Variants in ARMC7 observed in about 807,000 individuals in gnomAD.
ARMC7 encodes armadillo repeat containing 7.
In ARMC7, 9 loss-of-function variants were observed where a neutral mutation model predicts 14.8. The ratio of observed to expected loss-of-function variants is 0.61; its 90% confidence interval spans 0.37 to 1.06. The LOEUF is 1.06. Among genes scored for constraint, ARMC7 ranks in the 50% least tolerant of loss-of-function variants. The pLI is 0.01. For missense variants in ARMC7, 262 were observed against 267.1 expected (o/e 0.98, Z 0.13); for synonymous variants, 125 against 123.4 (o/e 1.01, Z -0.09).
chr17:75,111,032 G>A (rs2073918154), intron 2 of ARMC7, among the ~76,000 whole-genome samples: 1 of 151,984 alleles, frequency 6.6e-6, no homozygotes, highest in South Asian at 2.1e-4. Flanking sequence ...ACTGAAGCAG[G>A]AGGTATTGCT....
chr17:75,126,436 T>C (rs2074051828), intron 2 of ARMC7, among the ~76,000 whole-genome samples: 3 of 152,236 alleles, frequency 2.0e-5, no homozygotes, highest in African/African-American at 7.2e-5. Flanking sequence ...AACGGTGACA[T>C]GGAAATAACA....
At chr17:75,128,036 G>C (rs1438381290) in intron 2 of ARMC7, among the ~76,000 whole-genome samples, 1 of 152,048 alleles carries the variant, frequency 6.6e-6, no homozygotes, top group African/African-American at 2.4e-5. Flanking sequence ...TTTATAAACT[G>C]TTCTAAGGTG....
intron 2 of ARMC7, among the ~76,000 whole-genome samples, chr17:75,122,117 G>C (rs2074017837): frequency 6.6e-6 from 1 of 151,844 alleles, no homozygotes; most frequent in Non-Finnish European, 1.5e-5. Flanking sequence ...GTGGATCACA[G>C]GGTCAGGAGT....
intron 2 of ARMC7, among the ~76,000 whole-genome samples, chr17:75,111,360 C>T (rs1009430196): frequency 6.6e-5 from 10 of 151,114 alleles, no homozygotes; most frequent in African/African-American, 2.2e-4. Context: ...GCAGGAGAAT[C>T]GCTTGAACCC....
chr17:75,129,343 C>A lies in ARMC7; in HGVS notation c.*305C>A. ...GTAAGAAGCGGCCAAGTGCCTGGAC[C>A]CAGAGGCTTTGCAGGACAGTGTTCT... On this transcript the variant is annotated 3_prime_UTR_variant, in exon 3 of 3. Transcript: ENST00000245543. 2.2e-6 allele frequency: 1 copy of A among 463,542 alleles called. No individual in the cohort carries two copies. The highest frequency in any genetic ancestry group is 3.9e-6 in the Non-Finnish European group (1 of 259,084). The allele number at this position is 463,542 out of a possible 1,614,324, so 28.7% of individuals were successfully genotyped here.
In ARMC7 at chr17:75,110,386, G is replaced by C; in HGVS notation, c.91+7G>C. ...CAGGAGACCCAAAGCCAAGGTGAGA[G>C]CCACGGTGGGATCAGGTGGCAGGGT... On this transcript the variant is annotated splice_region_variant and intron_variant, in intron 1 of 2. Transcript: ENST00000245543. 1 of 1,614,168 alleles carries C rather than the reference G, an allele frequency of 6.2e-7. No individual in the cohort carries two copies. Among genetic ancestry groups the C allele is most frequent in the South Asian group, 1.1e-5 (1 of 91,082 alleles).
intron 2 of ARMC7, among the ~76,000 whole-genome samples, chr17:75,115,161 A>G (rs1320459398): frequency 6.6e-6 from 1 of 152,150 alleles, no homozygotes; most frequent in African/African-American, 2.4e-5. Context: ...CCTGGCCATG[A>G]CTTGGTGCAA....
chr17:75,129,305 C>T lies in ARMC7; in HGVS notation c.*267C>T. The T allele has an allele frequency of 1.9e-6, 1 of 536,138 alleles. No homozygotes were observed. The highest frequency in any genetic ancestry group is 3.3e-6 in the Non-Finnish European group (1 of 306,356). 33.2% of individuals were successfully genotyped at this position (536,138 alleles called of 1,614,324 possible). Reference sequence around the variant, plus strand: ...TACATCAGGTGCCACCACCACCAGACTCAGGCCCTGGTGTAAGAAGCGGCC... The same window carrying T: ...TACATCAGGTGCCACCACCACCAGATTCAGGCCCTGGTGTAAGAAGCGGCC... On this transcript the variant is annotated 3_prime_UTR_variant, in exon 3 of 3. Transcript: ENST00000245543.
At chr17:75,111,035 G>A (rs2073918177) in intron 2 of ARMC7, among the ~76,000 whole-genome samples, 1 of 152,032 alleles carries the variant, frequency 6.6e-6, no homozygotes, top group Non-Finnish European at 1.5e-5. Context: ...GAAGCAGGAG[G>A]TATTGCTTGA....
rs1209985538 is a variant in ARMC7 at position 75,128,888 on chromosome 17, C to G, written c.447C>G (p.Ser149=). Reference sequence around the variant, plus strand: ...TGGTGCAGTGCATGCTTCGCTTCTCCCTCTCGGCCAGCGCCAGGCTCCGGA... The same window carrying G: ...TGGTGCAGTGCATGCTTCGCTTCTCGCTCTCGGCCAGCGCCAGGCTCCGGA... The part of the protein sequence containing the change: ...TPVVQCMLRF[S]LSASARLRNL... The change falls in exon 3 of 3, where the codon TCC becomes TCG. Residue 149 remains serine, a synonymous_variant. Transcript: ENST00000245543. The G allele has an allele frequency of 5.6e-6, 9 of 1,611,576 alleles. No individual in the cohort carries two copies. Among genetic ancestry groups the G allele is most frequent in the Non-Finnish European group, 7.6e-6 (9 of 1,179,910 alleles).
At chr17:75,116,126 G>T (rs550895570) in intron 2 of ARMC7, among the ~76,000 whole-genome samples, 1 of 152,332 alleles carries the variant, frequency 6.6e-6, no homozygotes, top group South Asian at 2.1e-4. Flanking sequence ...GCAATGTCAG[G>T]TGGGGAGAGC....
intron 2 of ARMC7, among the ~76,000 whole-genome samples, chr17:75,118,643 A>G (rs183762200): frequency 4.6e-5 from 7 of 152,146 alleles, no homozygotes; most frequent in Non-Finnish European, 8.8e-5. Context: ...GCAATTGTAG[A>G]ACTAGTTTAT....
Position 75,114,093 on chromosome 17 carries a change from G to A in ARMC7, c.235+3487G>A, listed in dbSNP as rs73995779. The A allele has an allele frequency of 3.8e-3, 1,536 of 401,164 alleles. 12 individuals carry two copies. Among genetic ancestry groups the A allele is most frequent in the African/African-American group, 0.028 (1,387 of 48,822 alleles). The allele number at this position is 401,164 out of a possible 1,614,324, so 24.9% of individuals were successfully genotyped here. A position where few individuals can be genotyped will look rare whatever the true frequency, so the allele number is the denominator to read the frequency against. On this transcript the variant is annotated intron_variant, in intron 2 of 2. Transcript: ENST00000245543. ...GCCAGCTCCTCTAGAAGATTATTAT[G>A]CCAAACAAATATTCTAAAAAGTTGG...
chr17:75,125,885 C>G (rs1248830045), intron 2 of ARMC7, among the ~76,000 whole-genome samples: 2 of 152,148 alleles, frequency 1.3e-5, no homozygotes, highest in Non-Finnish European at 2.9e-5. Context: ...CAGCCTGACC[C>G]AGGTGCTGCT....
At chr17:75,122,894 G>C (rs1191418694) in intron 2 of ARMC7, among the ~76,000 whole-genome samples, 1 of 151,862 alleles carries the variant, frequency 6.6e-6, no homozygotes, top group Non-Finnish European at 1.5e-5. Flanking sequence ...TGGGGGGGCA[G>C]GTTAGGTGCT....
chr17:75,128,702 C>T lies in ARMC7; in HGVS notation c.261C>T (p.Asp87=). The T allele has an allele frequency of 6.2e-7, 1 of 1,613,174 alleles. No homozygotes were observed. Among genetic ancestry groups the T allele is most frequent in the East Asian group, 2.2e-5 (1 of 44,860 alleles). ...GAGGCCTGTGCAACCTGTGCCCAGACAGGGCCAACAAGGAGCACATCCTGC... is the reference window on the plus strand; with the variant it reads ...GAGGCCTGTGCAACCTGTGCCCAGATAGGGCCAACAAGGAGCACATCCTGC... The part of the protein sequence containing the change: ...AIGGLCNLCP[D]RANKEHILHA... The change falls in exon 3 of 3, where the codon GAC becomes GAT. Residue 87 remains aspartate, a synonymous_variant. Transcript: ENST00000245543.
chr17:75,113,506 C>A (rs1022013858), intron 2 of ARMC7, among the ~76,000 whole-genome samples: 3 of 151,594 alleles, frequency 2.0e-5, no homozygotes, highest in Non-Finnish European at 4.4e-5. Context: ...AGGCGCCCCC[C>A]CACCAGGCCC....
intron 2 of ARMC7, among the ~76,000 whole-genome samples, chr17:75,115,805 A>G (rs1347575904): frequency 6.6e-6 from 1 of 152,176 alleles, no homozygotes; most frequent in African/African-American, 2.4e-5. Flanking sequence ...CTCTCCTCCA[A>G]TCATCTGTCA....
chr17:75,118,313 T>C (rs957717196), intron 2 of ARMC7, among the ~76,000 whole-genome samples: 1 of 152,166 alleles, frequency 6.6e-6, no homozygotes, highest in Non-Finnish European at 1.5e-5. Flanking sequence ...TTTATTTCCA[T>C]GCTTGGGGGC....
Sources: gnomAD v4.1 joint callset for allele counts (sites outside exome capture counted in the v4.1 genomes callset) on GRCh38, gnomAD v4.1.1 for gene constraint, MANE v1.5 for transcripts, NCBI Gene and HGNC (gene_info 2026-07-23, HGNC 2026-07-21) for gene names.